CES5A: variants seen among roughly 807,000 people sequenced by gnomAD.
The protein encoded by CES5A is carboxylesterase 5.
In CES5A, 67 loss-of-function variants were observed where a neutral mutation model predicts 62.9. The observed-to-expected ratio is 1.07, with a 90% CI of 0.88 to 1.31. The LOEUF is 1.31. Among genes scored for constraint, CES5A ranks in the 50% most tolerant of loss-of-function variants. The pLI, the probability that CES5A is intolerant of heterozygous loss-of-function variation, is 0.00. For missense variants in CES5A, 748 were observed against 708.5 expected (o/e 1.06, Z -0.63); for synonymous variants, 296 against 280.8 (o/e 1.05, Z -0.54).
intron 2 of CES5A, among the ~76,000 whole-genome samples, chr16:55,932,278 C>A (rs1268669341): frequency 6.6e-6 from 1 of 152,116 alleles, no homozygotes; most frequent in African/African-American, 2.4e-5. Context: ...GATGCAACCC[C>A]TTGATTTTGA....
chr16:55,928,658 C>T (rs1316022714), upstream of CES5A, among the ~76,000 whole-genome samples: 1 of 152,200 alleles, frequency 6.6e-6, no homozygotes, highest in African/African-American at 2.4e-5. Context: ...TGAGACTGTG[C>T]TCTTGTCTAT....
chr16:55,885,730 C>G (rs1597134763), intron 1 of CES5A, among the ~76,000 whole-genome samples: 1 of 152,180 alleles, frequency 6.6e-6, no homozygotes, highest in Non-Finnish European at 1.5e-5. Context: ...TTGTGACAGA[C>G]TTCAGCAGCA....
At chr16:55,911,991 T>C (rs571376936) in intron 1 of CES5A, among the ~76,000 whole-genome samples, 1 of 152,288 alleles carries the variant, frequency 6.6e-6, no homozygotes, top group South Asian at 2.1e-4. Flanking sequence ...AAATAGAAAA[T>C]CTACCAAGCA....
Position 55,869,687 on chromosome 16 carries a change from CA to C in CES5A, c.474del (p.Asp158GlufsTer20). ...AFKTGSASIF[D>X]GSALAAYEDV... ...TCCTCATAGGCAGCCAGGGCGGACC[CA>C]TCAAAGATGGAGGCTGAGCCAGTCT... On this transcript the variant is annotated frameshift_variant, in exon 4 of 13. Transcript: ENST00000290567. LOFTEE classifies it high-confidence loss of function. 1 of 1,612,226 alleles carries C rather than the reference CA, an allele frequency of 6.2e-7. No homozygotes were observed. The highest frequency in any genetic ancestry group is 8.5e-7 in the Non-Finnish European group (1 of 1,179,042).
intron 2 of CES5A, among the ~76,000 whole-genome samples, chr16:55,938,266 G>GAC (rs1250159186): frequency 1.3e-5 from 2 of 152,152 alleles, no homozygotes; most frequent in East Asian, 3.9e-4. Context: ...AGCAGATGCA[G>GAC]ACTTGCAAAC....
intron 2 of CES5A, chr16:55,944,180 C>G (rs1450650682): frequency 8.6e-6 from 6 of 696,326 alleles, no homozygotes; most frequent in South Asian, 6.0e-5. Context: ...AGACTTGGGT[C>G]CCAGTCCTGG....
intron 8 of CES5A, among the ~76,000 whole-genome samples, chr16:55,858,881 C>T (rs1392889005): frequency 1.3e-5 from 2 of 152,136 alleles, no homozygotes; most frequent in Admixed American, 6.5e-5. Flanking sequence ...CAATCACTCC[C>T]TAGAAGAGCG....
chr16:55,918,746 T>C (rs1353022948), intron 1 of CES5A, among the ~76,000 whole-genome samples: 1 of 152,144 alleles, frequency 6.6e-6, no homozygotes, highest in African/African-American at 2.4e-5. Flanking sequence ...ACACATTCTC[T>C]CCATCACATT....
rs1165544211 is a variant in CES5A at position 55,947,041 on chromosome 16, G to A, written c.160+2744C>T. ...CCAAAGCAAGTCACAGAACACAGGA[G>A]GGGCATGGGAAGGTTAAAATGGAAA... On this transcript the variant is annotated intron_variant, in intron 2 of 13. Transcript: ENST00000521992. 2.0e-5 allele frequency among the ~76,000 whole-genome samples: 3 copies of A among 152,192 alleles called. No homozygotes were observed. In the East Asian group the frequency reaches 5.8e-4, roughly 29 times the overall value.
intron 1 of CES5A, among the ~76,000 whole-genome samples, chr16:55,952,287 T>C (rs1432136619): frequency 6.6e-6 from 1 of 152,066 alleles, no homozygotes; most frequent in African/African-American, 2.4e-5. Context: ...TCATGAAAAT[T>C]TATAGTCTCA....
chr16:55,887,113 G>A (rs897025837), intron 1 of CES5A, among the ~76,000 whole-genome samples: 1 of 152,102 alleles, frequency 6.6e-6, no homozygotes, highest in South Asian at 2.1e-4. Flanking sequence ...ATGTGATGCT[G>A]TGCCTCAAAG....
At position 55,849,741 on chromosome 16, in the gene CES5A, G is replaced by T. The variant is rs377067784; in HGVS notation, c.1306C>A (p.Arg436=). ...TCTTCAAAGCACTGAGGCCGGTGCC[G>T]AAACTCATAGAAGTAGACAGGTGCA... is the stretch of plus-strand genomic sequence containing the variant. ...AGAPVYFYEF[R]HRPQCFEDTK... is the part of the protein sequence containing the mutation. The change falls in exon 11 of 13, where the codon CGG becomes AGG. Residue 436 remains arginine, a synonymous_variant. Transcript: ENST00000290567. 6.2e-7 allele frequency: 1 copy of T among 1,613,856 alleles called. No homozygotes were observed. The highest frequency in any genetic ancestry group is 8.5e-7 in the Non-Finnish European group (1 of 1,179,898).
chr16:55,942,550 T>C (rs185104918), intron 2 of CES5A, among the ~76,000 whole-genome samples: 1 of 152,342 alleles, frequency 6.6e-6, no homozygotes, highest in Admixed American at 6.5e-5. Flanking sequence ...ATGTGGAACC[T>C]ATGAACCATC....
chr16:55,912,633 G>A (rs1220300143), intron 1 of CES5A, among the ~76,000 whole-genome samples: 1 of 152,060 alleles, frequency 6.6e-6, no homozygotes, highest in African/African-American at 2.4e-5. Context: ...GAAGGAGCAG[G>A]GAAAAGACCA....
rs1405678740 is a variant in CES5A, at chr16:55,853,026, G to A, written c.1128C>T (p.His376=). 1 of 1,613,968 alleles carries A rather than the reference G, an allele frequency of 6.2e-7. No homozygotes were observed. Among genetic ancestry groups the A allele is most frequent in the Non-Finnish European group, 8.5e-7 (1 of 1,179,978 alleles). Residue 376 remains histidine (H), a splice_region_variant and synonymous_variant, in exon 10 of 13, where the codon CAC becomes CAT. Transcript: ENST00000290567. Reference sequence around the variant, plus strand: ...CAAGGTGCAAATACTGAGGCGGGATGTGCTGTAAAAATATCGTAGTCCTAG... The same window carrying A: ...CAAGGTGCAAATACTGAGGCGGGATATGCTGTAAAAATATCGTAGTCCTAG... The part of the protein sequence containing the change: ...LALHLIQNIL[H]IPPQYLHLVA...
At chr16:55,948,241 G>A (rs1051239283) in intron 2 of CES5A, among the ~76,000 whole-genome samples, 10 of 152,006 alleles carry the variant, frequency 6.6e-5, no homozygotes, top group Admixed American at 1.3e-4. Context: ...GAAAAGATGG[G>A]CAGGCCGAGA....
chr16:55,861,601 C>CTGTGGCTGATTGG, intron 6 of CES5A, 85 bp from the exon 7 acceptor site: 2 of 925,346 alleles, frequency 2.2e-6, no homozygotes, highest in Non-Finnish European at 1.7e-6. Flanking sequence ...TCCAATCAGC[C>CTGTGGCTGATTGG]ACAGGCTGGC....
intron 1 of CES5A, among the ~76,000 whole-genome samples, chr16:55,902,492 A>G (rs1342628841): frequency 2.0e-5 from 3 of 152,226 alleles, no homozygotes; most frequent in African/African-American, 7.2e-5. Flanking sequence ...CAGGACTGAC[A>G]TCCTAAGGAC....
chr16:55,892,083 T>A (rs1457739188), intron 1 of CES5A, among the ~76,000 whole-genome samples: 1 of 152,164 alleles, frequency 6.6e-6, no homozygotes, highest in Non-Finnish European at 1.5e-5. Context: ...ACATTTGCCA[T>A]CTATTGTCTC....
Sources: allele counts gnomAD v4.1 joint callset (sites outside exome capture counted in the v4.1 genomes callset), GRCh38; gene constraint gnomAD v4.1.1; transcripts MANE v1.5; gene names NCBI Gene and HGNC (gene_info 2026-07-23, HGNC 2026-07-21).